FHIT: variants seen among roughly 807,000 people sequenced by gnomAD.
FHIT encodes the protein bis(5'-adenosyl)-triphosphatase.
Under a neutral mutation model 17.9 loss-of-function variants are expected in FHIT, and 19 were observed. That is an observed-to-expected ratio of 1.06 (90% CI 0.74 to 1.56). The LOEUF is 1.56. Among genes scored for constraint, FHIT ranks in the 40% most tolerant of loss-of-function variants. FHIT has a pLI of 0.00. For missense variants in FHIT, 248 were observed against 189.2 expected (o/e 1.31, Z -1.82); for synonymous variants, 81 against 69.7 (o/e 1.16, Z -0.81).
chr3:60,210,683 G>A (rs554465859), intron 5 of FHIT, among the ~76,000 whole-genome samples: 16 of 152,164 alleles, frequency 1.1e-4, no homozygotes, highest in South Asian at 6.2e-4. Context: ...AAATGCAATC[G>A]AAAACAATAC....
At chr3:60,177,242 G>A (rs1472164383) in intron 5 of FHIT, among the ~76,000 whole-genome samples, 1 of 150,346 alleles carries the variant, frequency 6.7e-6, no homozygotes, top group Non-Finnish European at 1.5e-5. Context: ...AGAGGGTCAG[G>A]GAAATAATAC....
intron 5 of FHIT, among the ~76,000 whole-genome samples, chr3:60,372,818 A>G (rs1415803843): frequency 1.3e-5 from 2 of 152,100 alleles, no homozygotes; most frequent in African/African-American, 2.4e-5. Flanking sequence ...TGATATGATC[A>G]GTGTACTTCC....
chr3:60,726,103 G>T (rs1337564610), intron 4 of FHIT, among the ~76,000 whole-genome samples: 1 of 152,126 alleles, frequency 6.6e-6, no homozygotes, highest in Non-Finnish European at 1.5e-5. Flanking sequence ...CCAAAATCTA[G>T]CACTGGTAGA....
At chr3:59,813,678 T>G (rs1011893922) in intron 8 of FHIT, among the ~76,000 whole-genome samples, 33 of 152,164 alleles carry the variant, frequency 2.2e-4, no homozygotes, top group Admixed American at 2.0e-3. Context: ...GATATTCTTA[T>G]TTATTAGGAT....
intron 4 of FHIT, chr3:60,617,048 G>C: frequency 4.8e-6 from 1 of 210,398 alleles, no homozygotes; most frequent in Non-Finnish European, 1.0e-5. Context: ...AGTGGATACT[G>C]ACATGGCAAA....
intron 5 of FHIT, among the ~76,000 whole-genome samples, chr3:60,127,966 A>T (rs1242824486): frequency 6.6e-6 from 1 of 152,174 alleles, no homozygotes; most frequent in Non-Finnish European, 1.5e-5. Flanking sequence ...TAAGTTACAC[A>T]AAGTCAGCAA....
At chr3:59,886,530 C>A (rs1467744330) in intron 8 of FHIT, among the ~76,000 whole-genome samples, 1 of 152,104 alleles carries the variant, frequency 6.6e-6, no homozygotes, top group East Asian at 1.9e-4. Context: ...CCACTCATGG[C>A]AAGGGTGAAG....
intron 8 of FHIT, among the ~76,000 whole-genome samples, chr3:59,913,228 T>C (rs78332381): frequency 2.2e-4 from 33 of 152,182 alleles, no homozygotes; most frequent in African/African-American, 7.9e-4. Flanking sequence ...TGTGTAAATG[T>C]CTCTAAGGTT....
chr3:61,210,045 C>T (rs2039405338), intron 1 of FHIT, among the ~76,000 whole-genome samples: 2 of 152,232 alleles, frequency 1.3e-5, no homozygotes, highest in Non-Finnish European at 2.9e-5. Flanking sequence ...GGATGCTCAG[C>T]TGCAGGTCTG....
chr3:60,233,261 G>C (rs1045622644), intron 5 of FHIT, among the ~76,000 whole-genome samples: 1 of 152,154 alleles, frequency 6.6e-6, no homozygotes, highest in Non-Finnish European at 1.5e-5. Flanking sequence ...TTAATGATCT[G>C]ACTGATGCCT....
chr3:59,882,436 C>G (rs918690803), intron 8 of FHIT, among the ~76,000 whole-genome samples: 12 of 152,130 alleles, frequency 7.9e-5, no homozygotes, highest in Admixed American at 6.5e-4. Context: ...CTTGTTTTCA[C>G]TAACAAGCAG....
intron 4 of FHIT, among the ~76,000 whole-genome samples, chr3:60,569,400 T>C (rs1053504341): frequency 4.6e-5 from 7 of 152,126 alleles, no homozygotes; most frequent in Non-Finnish European, 8.8e-5. Context: ...TATCTTATTC[T>C]AAAGCCAATT....
chr3:59,795,618 G>A (rs982258818), intron 8 of FHIT, among the ~76,000 whole-genome samples: 19 of 152,156 alleles, frequency 1.2e-4, no homozygotes, highest in African/African-American at 4.1e-4. Context: ...CAGCTACTCA[G>A]GAGACTGAGG....
chr3:60,118,098 T>C (rs548497207), intron 5 of FHIT, among the ~76,000 whole-genome samples: 4 of 152,320 alleles, frequency 2.6e-5, no homozygotes, highest in Non-Finnish European at 4.4e-5. Flanking sequence ...CAAGGTGTTA[T>C]AATGTATTTT....
At chr3:60,048,407 A>T (rs1701740440) in intron 5 of FHIT, among the ~76,000 whole-genome samples, 1 of 151,504 alleles carries the variant, frequency 6.6e-6, no homozygotes, top group African/African-American at 2.4e-5. Context: ...CGATCTCCTG[A>T]CCTCGTGATC....
At chr3:60,251,078 A>T (rs972116644) in intron 5 of FHIT, among the ~76,000 whole-genome samples, 1 of 152,172 alleles carries the variant, frequency 6.6e-6, no homozygotes, top group African/African-American at 2.4e-5. Flanking sequence ...CTTCCCCCAT[A>T]CAGATTTTAT....
intron 5 of FHIT, among the ~76,000 whole-genome samples, chr3:60,075,778 A>G (rs1188037784): frequency 1.3e-5 from 2 of 152,100 alleles, no homozygotes; most frequent in Non-Finnish European, 2.9e-5. Context: ...TAAAGAGAAT[A>G]GTTTTCTTGG....
rs140584774 is a variant in FHIT, at chr3:60,716,457, G to A, written c.-18+105462C>T. On this transcript the variant is annotated intron_variant, in intron 4 of 9. Coordinates refer to ENST00000492590, the MANE Select transcript of FHIT (RefSeq NM_002012.4). ...CAAACATTAGGTTAAGCCTACACCC[G>A]GATGGTATCATCAATATCACTGCCT... Among the ~76,000 whole-genome samples, 593 of 151,544 alleles carry A rather than the reference G, an allele frequency of 3.9e-3. 1 individual carries two copies. Among genetic ancestry groups the A allele is most frequent in the African/African-American group, 0.013 (555 of 41,270 alleles).
intron 4 of FHIT, among the ~76,000 whole-genome samples, chr3:60,799,116 C>T (rs1701095627): frequency 6.6e-6 from 1 of 152,132 alleles, no homozygotes. Context: ...CACCTCTTTC[C>T]TAAAAGCTCT....
Sources: allele counts gnomAD v4.1 joint callset (sites outside exome capture counted in the v4.1 genomes callset), GRCh38; gene constraint gnomAD v4.1.1; transcripts MANE v1.5; gene names NCBI Gene and HGNC (gene_info 2026-07-23, HGNC 2026-07-21).